Variants in RNF214 observed in about 807,000 individuals in gnomAD.
RNF214 encodes the protein ring finger protein 214.
A neutral mutation model predicts 75.9 loss-of-function variants in RNF214; 25 were observed. The ratio of observed to expected loss-of-function variants is 0.33; its 90% confidence interval spans 0.24 to 0.46. The LOEUF is 0.46. Ranked by LOEUF, RNF214 falls within the 20% of genes least tolerant of loss-of-function variation. The pLI, the probability that RNF214 is intolerant of heterozygous loss-of-function variation, is 1.00. For missense variants in RNF214, 725 were observed against 857.5 expected (o/e 0.85, Z 1.93); for synonymous variants, 314 against 308.8 (o/e 1.02, Z -0.18).
chr11:117,279,533 C>T (rs529277313), intron 6 of RNF214, among the ~76,000 whole-genome samples: 24 of 152,138 alleles, frequency 1.6e-4, no homozygotes, highest in South Asian at 6.2e-4. Context: ...GATGGGGTTT[C>T]ACCACGCTGG....
chr11:117,244,697 ACT>A (rs1488016531), intron 5 of RNF214, 112 bp downstream of exon 5: 1 of 779,664 alleles, frequency 1.3e-6, no homozygotes, highest in African/African-American at 1.9e-5. Context: ...ACAGAGTCTC[ACT>A]CTGTCACTCA....
intron 2 of RNF214, among the ~76,000 whole-genome samples, chr11:117,234,837 A>G (rs2032856365): frequency 6.6e-6 from 1 of 152,204 alleles, no homozygotes; most frequent in African/African-American, 2.4e-5. Context: ...GTCATCCCAC[A>G]GTATATGCTG....
intron 2 of RNF214, among the ~76,000 whole-genome samples, chr11:117,234,891 A>G (rs182455728): frequency 6.6e-6 from 1 of 152,310 alleles, no homozygotes; most frequent in Non-Finnish European, 1.5e-5. Flanking sequence ...AAAATCTATA[A>G]ATGCTCAAGT....
rs1161082689 is a variant in RNF214 at position 117,232,722 on chromosome 11, C to T, written c.-11C>T. On this transcript the variant is annotated 5_prime_UTR_variant, in exon 1 of 15. Coordinates refer to ENST00000300650, the MANE Select transcript of RNF214 (RefSeq NM_207343.4). The stretch of plus-strand genomic sequence containing the variant: ...CCGCCCCCTCCCCCCGCTCCGCCCG[C>T]TCAGGTGCGTCCCGTCCCTCCCCCA... The T allele has an allele frequency of 6.6e-6, 1 of 151,206 alleles. No individual in the cohort carries two copies. Among genetic ancestry groups the T allele is most frequent in the African/African-American group, 2.4e-5 (1 of 41,272 alleles). The allele number at this position is 151,206 out of a possible 1,614,324, so 9.4% of individuals were successfully genotyped here.
At chr11:117,235,141 A>C (rs1050709552) in intron 2 of RNF214, among the ~76,000 whole-genome samples, 2 of 152,274 alleles carry the variant, frequency 1.3e-5, no homozygotes, top group Non-Finnish European at 2.9e-5. Context: ...CATGTTCAGT[A>C]CAGATGCAAC....
chr11:117,277,568 A>G (rs2034038294), intron 6 of RNF214, among the ~76,000 whole-genome samples: 1 of 152,226 alleles, frequency 6.6e-6, no homozygotes, highest in Non-Finnish European at 1.5e-5. Context: ...GTCAAAAGCA[A>G]GAATATGTGA....
In RNF214 at chr11:117,283,153, A is replaced by G. The variant is rs757728340; in HGVS notation, c.1989A>G (p.Lys663=). 2 of 1,613,242 alleles carry G rather than the reference A, an allele frequency of 1.2e-6. No individual in the cohort carries two copies. The highest frequency in any genetic ancestry group is 2.7e-5 in the African/African-American group (2 of 74,606). Residue 663 remains lysine (K), a synonymous_variant, in exon 14 of 15, where the codon AAA becomes AAG. Coordinates refer to ENST00000300650, the MANE Select transcript of RNF214 (RefSeq NM_207343.4). ...GTAAGCTATGTCTAATGTGCCAGAA[A>G]CTCGTCCAGCCCAGTGAGCTGCATC... is the stretch of plus-strand genomic sequence containing the variant. The part of the protein sequence containing the change: ...ATCKLCLMCQ[K]LVQPSELHPM...
chr11:117,273,131 TTTAA>T, intron 6 of RNF214, among the ~76,000 whole-genome samples: 1 of 152,164 alleles, frequency 6.6e-6, no homozygotes, highest in Non-Finnish European at 1.5e-5. Flanking sequence ...ATCTGCTATA[TTTAA>T]TTGATTGCAA....
At chr11:117,266,897 C>T (rs1420790755) in intron 6 of RNF214, among the ~76,000 whole-genome samples, 7 of 145,110 alleles carry the variant, frequency 4.8e-5, no homozygotes, top group African/African-American at 1.5e-4. Context: ...CTTCTTCACC[C>T]AGGCTGGAAT....
chr11:117,264,908 A>T (rs958526929), intron 6 of RNF214, among the ~76,000 whole-genome samples: 5 of 149,546 alleles, frequency 3.3e-5, no homozygotes, highest in Non-Finnish European at 7.4e-5. Flanking sequence ...TACTAAAAAT[A>T]AAAAAAAAAT....
chr11:117,260,196 A>C, intron 6 of RNF214, among the ~76,000 whole-genome samples: 1 of 151,966 alleles, frequency 6.6e-6, no homozygotes, highest in African/African-American at 2.4e-5. Flanking sequence ...AGGTGCAGTC[A>C]TAGCTCACTG....
intron 6 of RNF214, among the ~76,000 whole-genome samples, chr11:117,253,561 T>TC (rs1443675496): frequency 1.3e-5 from 2 of 152,206 alleles, no homozygotes; most frequent in African/African-American, 2.4e-5. Context: ...ACTTATTGTG[T>TC]GCAGGTGCGA....
chr11:117,281,824 G>T lies in RNF214; in HGVS notation c.1336-70G>T, dbSNP rs505045. On this transcript the variant is annotated intron_variant, in intron 10 of 14. Coordinates refer to ENST00000300650, the MANE Select transcript of RNF214 (RefSeq NM_207343.4). ...TTCAGTGCAAGAGTTGTTCATTGATGTCTTCTCCAGTTTCCTAAACTTTCT... is the reference window on the plus strand; with the variant it reads ...TTCAGTGCAAGAGTTGTTCATTGATTTCTTCTCCAGTTTCCTAAACTTTCT... The T allele has an allele frequency of 0.63, 987,034 of 1,556,948 alleles. 324,570 individuals are homozygous for T. Among genetic ancestry groups the T allele is most frequent in the East Asian group, 0.96 (42,814 of 44,436 alleles).
chr11:117,248,520 C>T (rs2033288660), intron 6 of RNF214, among the ~76,000 whole-genome samples: 1 of 152,178 alleles, frequency 6.6e-6, no homozygotes, highest in African/African-American at 2.4e-5. Flanking sequence ...GCTGAGTTAG[C>T]AAGCTCATGT....
At chr11:117,259,137 A>C (rs1356357565) in intron 6 of RNF214, among the ~76,000 whole-genome samples, 2 of 152,098 alleles carry the variant, frequency 1.3e-5, no homozygotes, top group African/African-American at 4.8e-5. Context: ...TTGTATTCTT[A>C]GTAGAGACAG....
At chr11:117,280,847 T>C (rs905409445) in intron 8 of RNF214, among the ~76,000 whole-genome samples, 1 of 152,160 alleles carries the variant, frequency 6.6e-6, no homozygotes, top group African/African-American at 2.4e-5. Flanking sequence ...CTCAATTACT[T>C]AAAAGATACT....
At chr11:117,280,078 T>C in intron 7 of RNF214, 74 bp downstream of exon 7, 1 of 1,490,664 alleles carries the variant, frequency 6.7e-7, no homozygotes, top group Non-Finnish European at 9.3e-7. Context: ...GGCATTGTAA[T>C]AGGAGAGCCA....
chr11:117,246,495 G>T (rs2033230088), intron 5 of RNF214, among the ~76,000 whole-genome samples: 1 of 152,198 alleles, frequency 6.6e-6, no homozygotes, highest in South Asian at 2.1e-4. Flanking sequence ...CTTGACAGGT[G>T]TTCATTCAGC....
rs74392592 is a variant in RNF214 at position 117,260,372 on chromosome 11, T to C, written c.959+13424T>C. ...TAGATATCCAGTTGTTCCAGCACCA[T>C]TTATCGAAAAGACTTTCCTTTCCCT... On this transcript the variant is annotated intron_variant, in intron 6 of 14. Transcript: ENST00000300650. 6.1e-3 allele frequency among the ~76,000 whole-genome samples: 926 copies of C among 152,388 alleles called. 10 individuals carry two copies. Among genetic ancestry groups the C allele is most frequent in the Non-Finnish European group, 8.9e-3 (606 of 68,036 alleles).
Sources: gnomAD v4.1 joint callset for allele counts (sites outside exome capture counted in the v4.1 genomes callset) on GRCh38, gnomAD v4.1.1 for gene constraint, MANE v1.5 for transcripts, NCBI Gene and HGNC (gene_info 2026-07-23, HGNC 2026-07-21) for gene names.